Variants in GMPS observed in about 807,000 individuals in gnomAD.
The protein encoded by GMPS is guanosine monophosphate synthase, also known as GMP synthase [glutamine-hydrolyzing].
Under a neutral mutation model 77.9 loss-of-function variants are expected in GMPS, and 15 were observed. That is an observed-to-expected ratio of 0.19 (90% CI 0.13 to 0.30). The LOEUF (loss-of-function observed/expected upper bound fraction) is 0.30. GMPS is among the 10% of genes least tolerant of loss of function. The probability of loss-of-function intolerance (pLI) is 1.00; values close to 1 mark genes in which losing one functional copy is unlikely to be tolerated. For missense variants in GMPS, 590 were observed against 838.8 expected, an observed-to-expected ratio of 0.70 and a Z score of 3.66; for synonymous variants, 224 against 275.9, an observed-to-expected ratio of 0.81 and a Z score of 1.86.
intron 9 of GMPS, among the ~76,000 whole-genome samples, chr3:155,918,388 G>A (rs1755237115): frequency 6.6e-6 from 1 of 152,200 alleles, no homozygotes. Context: ...GGAGGCAGAG[G>A]TTGCAGTGAG....
At chr3:155,888,932 G>A (rs1312418966) in intron 1 of GMPS, among the ~76,000 whole-genome samples, 4 of 151,818 alleles carry the variant, frequency 2.6e-5, no homozygotes, top group Admixed American at 6.6e-5. Context: ...TGTTACCCAG[G>A]CTGGTCTCGA....
Position 155,911,985 on chromosome 3 carries a change from T to C in GMPS, c.886+706T>C, listed in dbSNP as rs201225291. Among the ~76,000 whole-genome samples, 20 of 151,442 alleles carry C rather than the reference T, an allele frequency of 1.3e-4. No individual in the cohort carries two copies. In the East Asian group the frequency reaches 3.5e-3, roughly 26 times the overall value. ...TGTGGGAGAGGTAAAGATTCTATAC[T>C]TTTTTTTTAAAGGGCCACTAGTAAA... On this transcript the variant is annotated intron_variant, in intron 7 of 15. Transcript: ENST00000496455.
chr3:155,914,612 T>C, intron 8 of GMPS, 42 bp downstream of exon 8: 1 of 1,300,360 alleles, frequency 7.7e-7, no homozygotes, highest in Non-Finnish European at 1.1e-6. Context: ...CTATTTTTGA[T>C]GTGAATCTTA....
chr3:155,919,210 G>A, intron 9 of GMPS, 23 bp from the exon 10 acceptor site: 1 of 1,064,440 alleles, frequency 9.4e-7, no homozygotes, highest in Admixed American at 2.1e-5. Context: ...GTTTATATTG[G>A]TTGGCTTCTT....
intron 7 of GMPS, among the ~76,000 whole-genome samples, chr3:155,912,125 T>C (rs984172529): frequency 6.6e-6 from 1 of 152,242 alleles, no homozygotes; most frequent in South Asian, 2.1e-4. Flanking sequence ...TAAAAGTTAT[T>C]GTACATATTA....
intron 1 of GMPS, among the ~76,000 whole-genome samples, chr3:155,874,901 C>CTTTTTTTT (rs1171275758): frequency 2.0e-3 from 145 of 71,400 alleles, no homozygotes; most frequent in Middle Eastern, 0.015. Context: ...ACTTTGTTTT[C>CTTTTTTTT]TTTTTTTTTT....
Position 155,942,690 on chromosome 3 carries a change from T to C in GMPS, c.*4998T>C. 4.4e-6 allele frequency: 1 copy of C among 228,908 alleles called. No individual in the cohort carries two copies. 14.2% of individuals were successfully genotyped at this position (228,908 alleles called of 1,614,324 possible). On this transcript the variant is annotated 3_prime_UTR_variant, in exon 16 of 16. Coordinates refer to ENST00000496455, the MANE Select transcript of GMPS (RefSeq NM_003875.3). ...AGATCTGGGCAACAACTGTGTAGGC[T>C]GTTCTTTCAACCTCTTTCTTCTTAC...
intron 12 of GMPS, 123 bp from the exon 13 acceptor site, chr3:155,931,642 C>A (rs1755621471): frequency 1.0e-5 from 5 of 498,726 alleles, no homozygotes; most frequent in Admixed American, 3.6e-5. Flanking sequence ...ATAATGTCAC[C>A]ATGCATAAGA....
intron 1 of GMPS, among the ~76,000 whole-genome samples, chr3:155,873,487 C>A (rs572992519): frequency 6.6e-6 from 1 of 151,990 alleles, no homozygotes; most frequent in East Asian, 1.9e-4. Context: ...GTCTGGAACT[C>A]CTGGGCTCAA....
At chr3:155,877,623 G>T (rs1408875485) in intron 1 of GMPS, among the ~76,000 whole-genome samples, 2 of 152,076 alleles carry the variant, frequency 1.3e-5, no homozygotes, top group East Asian at 3.9e-4. Context: ...GTCTTAGTCT[G>T]TTGGGGCCGC....
intron 3 of GMPS, among the ~76,000 whole-genome samples, chr3:155,903,579 T>A (rs1359929119): frequency 6.6e-6 from 1 of 152,232 alleles, no homozygotes; most frequent in Non-Finnish European, 1.5e-5. Context: ...TTTAAGCAGA[T>A]GAATTCATTA....
chr3:155,919,384 A>C (rs200168868), intron 10 of GMPS, 46 bp downstream of exon 10: 104 of 869,528 alleles, frequency 1.2e-4, no homozygotes, highest in Non-Finnish European at 9.4e-5. Context: ...TTAGACCTTC[A>C]TGTTGAAGAA....
Position 155,910,830 on chromosome 3 carries a change from G to A in GMPS, c.665G>A (p.Arg222Lys). 1 of 1,609,082 alleles carries A rather than the reference G, an allele frequency of 6.2e-7. No homozygotes were observed. Among genetic ancestry groups the A allele is most frequent in the Non-Finnish European group, 8.5e-7 (1 of 1,178,548 alleles). ...GCSGTFTVQN[R>K]ELECIREIKE... The stretch of plus-strand genomic sequence containing the variant: ...AGTGGAACCTTCACCGTGCAGAACA[G>A]AGAACTTGAGTGTATTCGAGAGATC... Residue 222 changes from arginine to lysine, a missense_variant, in exon 6 of 16, where the codon AGA (arginine) becomes AAA (lysine). This residue lies in a region of GMPS where 136 missense variants were observed against 225.6 expected (regional missense o/e 0.60). Transcript: ENST00000496455.
chr3:155,873,580 A>T (rs1753952291), intron 1 of GMPS, among the ~76,000 whole-genome samples: 1 of 144,242 alleles, frequency 6.9e-6, no homozygotes, highest in South Asian at 2.2e-4. Context: ...ATTTATTTAA[A>T]TTTTTTATTT....
At chr3:155,937,500 C>A in intron 15 of GMPS, 91 bp from the exon 16 acceptor site, 1 of 669,210 alleles carries the variant, frequency 1.5e-6, no homozygotes, top group South Asian at 1.9e-5. Flanking sequence ...TGAAAATAGT[C>A]AAATTTTAAT....
chr3:155,874,615 T>C (rs1335159434), intron 1 of GMPS, among the ~76,000 whole-genome samples: 1 of 152,198 alleles, frequency 6.6e-6, no homozygotes, highest in Non-Finnish European at 1.5e-5. Context: ...GGAATGGTTT[T>C]TAGTGTAGTG....
intron 12 of GMPS, among the ~76,000 whole-genome samples, chr3:155,928,270 A>G (rs932195026): frequency 2.0e-5 from 3 of 149,776 alleles, no homozygotes; most frequent in African/African-American, 7.3e-5. Context: ...CAGGCAATCC[A>G]CCCGCCTCGG....
At chr3:155,878,291 T>G (rs1754108640) in intron 1 of GMPS, among the ~76,000 whole-genome samples, 1 of 152,256 alleles carries the variant, frequency 6.6e-6, no homozygotes, top group South Asian at 2.1e-4. Flanking sequence ...TGGCTTTCAC[T>G]TAGCATAATG....
rs922677544 is a variant in GMPS, at chr3:155,938,264, A to G, written c.*572A>G. The G allele has an allele frequency of 9.1e-6, 2 of 220,080 alleles. No individual in the cohort carries two copies. Among genetic ancestry groups the G allele is most frequent in the African/African-American group, 4.5e-5 (2 of 44,632 alleles). The allele number at this position is 220,080 out of a possible 1,614,324, so 13.6% of individuals were successfully genotyped here. A position where few individuals can be genotyped will look rare whatever the true frequency, so the allele number is the denominator to read the frequency against. ...ACCATAAGATGGAAAAGCACCAGGAATTTGTTGATGTACTTTTGAATTTTA... is the reference window on the plus strand; with the variant it reads ...ACCATAAGATGGAAAAGCACCAGGAGTTTGTTGATGTACTTTTGAATTTTA... On this transcript the variant is annotated 3_prime_UTR_variant, in exon 16 of 16. Coordinates refer to ENST00000496455, the MANE Select transcript of GMPS (RefSeq NM_003875.3).
Sources: allele counts gnomAD v4.1 joint callset (sites outside exome capture counted in the v4.1 genomes callset), GRCh38; gene constraint gnomAD v4.1.1; regional missense constraint gnomAD v4.1.1; transcripts MANE v1.5; gene names NCBI Gene and HGNC (gene_info 2026-07-23, HGNC 2026-07-21).